The following KIF15 variants were observed in gnomAD, a reference collection of about 807,000 sequenced individuals.
KIF15 encodes kinesin-like protein KIF15.
KIF15 carries 140 observed loss-of-function variants against 190.6 expected under a neutral mutation model. The observed-to-expected ratio is 0.73, with a 90% CI of 0.64 to 0.84. KIF15 has a LOEUF of 0.84. Among genes scored for constraint, KIF15 ranks in the 40% least tolerant of loss-of-function variants. The probability of loss-of-function intolerance (pLI) is 0.00; values close to 1 mark genes in which losing one functional copy is unlikely to be tolerated. For missense variants in KIF15, 1,372 were observed against 1,584.4 expected (o/e 0.87, Z 2.28); for synonymous variants, 528 against 551.3 (o/e 0.96, Z 0.59).
intron 29 of KIF15, among the ~76,000 whole-genome samples, chr3:44,842,816 G>A (rs550805032): frequency 2.0e-4 from 31 of 152,240 alleles, no homozygotes; most frequent in African/African-American, 7.2e-4. Flanking sequence ...AAATAGAATC[G>A]AATAGTTGAG....
intron 6 of KIF15, chr3:44,863,301 C>CCA (rs1491411005): frequency 7.8e-5 from 4 of 51,518 alleles, no homozygotes; most frequent in South Asian, 3.6e-3. Context: ...AGATTCCGCA[C>CCA]CCCCCCCCCC....
At chr3:44,864,277 C>A (rs762755574) in intron 6 of KIF15, 1 of 1,614,176 alleles carries the variant, frequency 6.2e-7, no homozygotes, top group Non-Finnish European at 8.5e-7. Context: ...TTAGCCGGGG[C>A]CTCAGTTTCT....
intron 1 of KIF15, among the ~76,000 whole-genome samples, chr3:44,765,612 T>C (rs1705341029): frequency 6.6e-6 from 1 of 152,216 alleles, no homozygotes; most frequent in African/African-American, 2.4e-5. Context: ...GCATAAATTG[T>C]CTTACAAACT....
downstream of KIF15, chr3:44,853,385 G>T (rs1349484016): frequency 6.6e-6 from 1 of 152,150 alleles, no homozygotes; most frequent in Non-Finnish European, 1.5e-5. Flanking sequence ...TGTGTATTGG[G>T]CCTTCTTTCT....
At position 44,814,903 on chromosome 3, in the gene KIF15, T is replaced by G; in HGVS notation, c.2384-8T>G. 1 of 1,576,324 alleles carries G rather than the reference T, an allele frequency of 6.3e-7. No homozygotes were observed. Among genetic ancestry groups the G allele is most frequent in the African/African-American group, 1.4e-5 (1 of 72,734 alleles). ...ACCTACTGAGGATATGTTTTCTTTG[T>G]TTTTTAGTTTTGAAAAGTGAGGTAC... On this transcript the variant is annotated splice_polypyrimidine_tract_variant and splice_region_variant and intron_variant, in intron 19 of 34. Coordinates refer to ENST00000326047, the MANE Select transcript of KIF15 (RefSeq NM_020242.3).
chr3:44,790,645 T>TTTTGA (rs1706642430), intron 7 of KIF15, among the ~76,000 whole-genome samples: 1 of 152,074 alleles, frequency 6.6e-6, no homozygotes, highest in Non-Finnish European at 1.5e-5. Context: ...CTGAACATTC[T>TTTTGA]TTTGATTACC....
intron 6 of KIF15, among the ~76,000 whole-genome samples, chr3:44,868,320 C>T (rs1168135866): frequency 6.6e-6 from 1 of 152,136 alleles, no homozygotes; most frequent in South Asian, 2.1e-4. Context: ...GAATAATACT[C>T]CATTGTGTGG....
intron 6 of KIF15, among the ~76,000 whole-genome samples, chr3:44,864,725 T>A (rs1293727318): frequency 6.6e-6 from 1 of 152,156 alleles, no homozygotes; most frequent in African/African-American, 2.4e-5. Context: ...GTTGACAAGA[T>A]GGAGCTGAGC....
Position 44,812,167 on chromosome 3 carries a change from G to A in KIF15, c.2170-15G>A, listed in dbSNP as rs1559555349. 4 of 1,581,734 alleles carry A rather than the reference G, an allele frequency of 2.5e-6. No homozygotes were observed. Among genetic ancestry groups the A allele is most frequent in the Non-Finnish European group, 3.5e-6 (4 of 1,156,742 alleles). On this transcript the variant is annotated splice_polypyrimidine_tract_variant and intron_variant, in intron 17 of 34. Transcript: ENST00000326047. ...ATTAAAATAAATTTTGATGACTGAA[G>A]TTTTTGTGTTGCAGGAACAAATGAG...
chr3:44,812,379 T>TG, intron 18 of KIF15, 90 bp downstream of exon 18: 1 of 850,866 alleles, frequency 1.2e-6, no homozygotes, highest in Non-Finnish European at 1.9e-6. Context: ...CAAACATCCT[T>TG]GAGTATGCAT....
At chr3:44,857,236 T>C (rs183179066), downstream of KIF15, among the ~76,000 whole-genome samples, 1 of 151,018 alleles carries the variant, frequency 6.6e-6, no homozygotes, top group African/African-American at 2.4e-5. Flanking sequence ...CAACAAAGAG[T>C]GAGGATAGCT....
intron 26 of KIF15, among the ~76,000 whole-genome samples, chr3:44,837,817 A>G (rs1275653258): frequency 6.6e-6 from 1 of 152,202 alleles, no homozygotes; most frequent in Non-Finnish European, 1.5e-5. Flanking sequence ...ATGGTCTATG[A>G]CAATGAATCA....
intron 30 of KIF15, among the ~76,000 whole-genome samples, chr3:44,844,525 C>T (rs540250287): frequency 1.3e-5 from 2 of 152,196 alleles, no homozygotes; most frequent in Admixed American, 6.5e-5. Context: ...AGAACATTTC[C>T]GGATCATTTG....
intron 16 of KIF15, among the ~76,000 whole-genome samples, chr3:44,806,550 A>C (rs1707509357): frequency 6.6e-6 from 1 of 152,246 alleles, no homozygotes; most frequent in Non-Finnish European, 1.5e-5. Flanking sequence ...AGAGAAAGGA[A>C]GTACACAAGG....
chr3:44,815,990 GA>G (rs1316518007), intron 20 of KIF15, among the ~76,000 whole-genome samples: 4 of 151,984 alleles, frequency 2.6e-5, no homozygotes, highest in Admixed American at 6.6e-5. Flanking sequence ...AAGAGAGGAA[GA>G]AAACTTGAGA....
chr3:44,862,092 C>A lies in KIF15; in HGVS notation c.*59+9298C>A, dbSNP rs767187007. On this transcript the variant is annotated intron_variant and NMD_transcript_variant, in intron 6 of 6. Transcript: ENST00000422209. Reference sequence around the variant, plus strand: ...CGTTCGGGGCCCTGGCCGCCGCCTCCGCCAAGCTGGCCTTCGGCAGCGAGG... The same window carrying A: ...CGTTCGGGGCCCTGGCCGCCGCCTCAGCCAAGCTGGCCTTCGGCAGCGAGG... 6 of 1,294,388 alleles carry A rather than the reference C, an allele frequency of 4.6e-6. No homozygotes were observed. The South Asian group carries it at 1.7e-4, about 37-fold the overall frequency. The allele number at this position is 1,294,388 out of a possible 1,614,324, so 80.2% of individuals were successfully genotyped here. A position where few individuals can be genotyped will look rare whatever the true frequency, so the allele number is the denominator to read the frequency against.
intron 7 of KIF15, among the ~76,000 whole-genome samples, chr3:44,792,824 G>T (rs1234339355): frequency 3.9e-5 from 6 of 152,168 alleles, no homozygotes; most frequent in African/African-American, 1.4e-4. Flanking sequence ...GGAATTACAG[G>T]CGTGAGCCAC....
chr3:44,827,443 A>G lies in KIF15; in HGVS notation c.2787-16A>G, dbSNP rs371694460. On this transcript the variant is annotated splice_polypyrimidine_tract_variant and intron_variant, in intron 22 of 34. Transcript: ENST00000326047. ...TTGAGTGAAGTCAGGGGTAAAAGAT[A>G]ATTATTCTCTTCCAGAGAAATCTTA... 73 of 1,580,704 alleles carry G rather than the reference A, an allele frequency of 4.6e-5. No homozygotes were observed. The highest frequency in any genetic ancestry group is 6.2e-5 in the Non-Finnish European group (71 of 1,151,012).
chr3:44,791,734 T>C (rs1706708902), intron 7 of KIF15, among the ~76,000 whole-genome samples: 1 of 152,232 alleles, frequency 6.6e-6, no homozygotes, highest in African/African-American at 2.4e-5. Context: ...TTTTTTATTT[T>C]GGAGACCAAG....
Sources: allele counts gnomAD v4.1 joint callset (sites outside exome capture counted in the v4.1 genomes callset), GRCh38; gene constraint gnomAD v4.1.1; transcripts MANE v1.5; gene names NCBI Gene and HGNC (gene_info 2026-07-23, HGNC 2026-07-21).